Variants in CMIP observed in about 807,000 individuals in gnomAD.
CMIP encodes C-Maf-inducing protein.
CMIP carries 13 observed loss-of-function variants against 97.3 expected under a neutral mutation model. The observed-to-expected ratio is 0.13, with a 90% CI of 0.09 to 0.21. The LOEUF is 0.21. CMIP is among the 10% of genes least tolerant of loss of function. The pLI is 1.00. For synonymous variants in CMIP, 538 were observed against 436.3 expected (o/e 1.23, Z -2.91); for missense variants, 847 against 1,024.9 (o/e 0.83, Z 2.37).
At chr16:81,460,239 G>T (rs1210250903) in intron 1 of CMIP, among the ~76,000 whole-genome samples, 1 of 152,216 alleles carries the variant, frequency 6.6e-6, no homozygotes, top group African/African-American at 2.4e-5. Context: ...GGTCTGGCCA[G>T]TGGAGAGCCT....
intron 1 of CMIP, among the ~76,000 whole-genome samples, chr16:81,582,811 G>A (rs1163278083): frequency 4.6e-5 from 7 of 152,078 alleles, no homozygotes; most frequent in African/African-American, 9.7e-5. Context: ...AACGGCGAGC[G>A]GAATGCCCAA....
At chr16:81,626,581 G>A (rs979974658) in intron 3 of CMIP, among the ~76,000 whole-genome samples, 13 of 146,910 alleles carry the variant, frequency 8.8e-5, no homozygotes, top group Non-Finnish European at 1.7e-4. Context: ...GCTTATGAGT[G>A]TGTGAGTGGT....
chr16:81,560,675 T>G (rs769841850), intron 1 of CMIP, among the ~76,000 whole-genome samples: 8 of 152,240 alleles, frequency 5.3e-5, no homozygotes, highest in Non-Finnish European at 5.9e-5. Context: ...CCATTCATGG[T>G]AAATGCTCTG....
intron 13 of CMIP, 104 bp from the exon 14 acceptor site, chr16:81,696,456 T>G: frequency 8.8e-7 from 1 of 1,142,352 alleles, no homozygotes. Flanking sequence ...GTTTCTTGAC[T>G]GCAGGACTTG....
At chr16:81,666,009 C>A (rs1377185446) in intron 7 of CMIP, 1 of 152,162 alleles carries the variant, frequency 6.6e-6, no homozygotes, top group African/African-American at 2.4e-5. Flanking sequence ...AAATTCATTT[C>A]TTGTTTTCAG....
intron 10 of CMIP, among the ~76,000 whole-genome samples, chr16:81,686,969 C>G (rs1015262195): frequency 6.6e-6 from 1 of 152,080 alleles, no homozygotes; most frequent in Non-Finnish European, 1.5e-5. Flanking sequence ...CGGGGCATCT[C>G]TCTGCAGCGC....
chr16:81,595,849 G>T (rs1055159321), intron 1 of CMIP, among the ~76,000 whole-genome samples: 2 of 152,058 alleles, frequency 1.3e-5, no homozygotes, highest in African/African-American at 4.8e-5. Context: ...TTGAATACTT[G>T]TGTGCATGTT....
intron 3 of CMIP, among the ~76,000 whole-genome samples, chr16:81,623,822 G>C (rs964813639): frequency 6.6e-6 from 1 of 152,180 alleles, no homozygotes; most frequent in African/African-American, 2.4e-5. Flanking sequence ...AGATGCCAGG[G>C]CTGGCTAGGT....
intron 1 of CMIP, among the ~76,000 whole-genome samples, chr16:81,490,487 G>A (rs1021977509): frequency 2.0e-5 from 3 of 152,198 alleles, no homozygotes; most frequent in Non-Finnish European, 2.9e-5. Flanking sequence ...GAGTGTGGCG[G>A]TGTGTGCCTG....
At chr16:81,602,869 T>C (rs1297517899) in intron 1 of CMIP, among the ~76,000 whole-genome samples, 4 of 152,212 alleles carry the variant, frequency 2.6e-5, no homozygotes, top group Non-Finnish European at 5.9e-5. Context: ...CATGTTCAGC[T>C]TACCAGGGAA....
chr16:81,658,748 A>G (rs1407801640), intron 5 of CMIP, among the ~76,000 whole-genome samples: 1 of 152,242 alleles, frequency 6.6e-6, no homozygotes, highest in Non-Finnish European at 1.5e-5. Context: ...AAATAGAAGC[A>G]AGAGGCAGAG....
At chr16:81,567,619 C>T (rs191708616) in intron 1 of CMIP, among the ~76,000 whole-genome samples, 3 of 152,208 alleles carry the variant, frequency 2.0e-5, no homozygotes, top group Non-Finnish European at 4.4e-5. Context: ...CGGCCCCTTG[C>T]GTGGCTAGAA....
chr16:81,691,940 GA>G (rs1442017621), intron 11 of CMIP, 100 bp downstream of exon 11: 47 of 1,059,012 alleles, frequency 4.4e-5, no homozygotes, highest in Admixed American at 7.6e-5. Flanking sequence ...ATGGGGAAGC[GA>G]AGTCACAGCG....
chr16:81,445,544 G>T lies in CMIP; in HGVS notation c.300+3G>T. Reference sequence around the variant, plus strand: ...ACAACAGCCTGGCGTCCGCCACGGTGAGTGGCTCTGCGCGGCTGCACCCCC... The same window carrying T: ...ACAACAGCCTGGCGTCCGCCACGGTTAGTGGCTCTGCGCGGCTGCACCCCC... On this transcript the variant is annotated splice_donor_region_variant and intron_variant, in intron 1 of 20. Transcript: ENST00000537098. 1.3e-6 allele frequency: 2 copies of T among 1,544,192 alleles called. No individual in the cohort carries two copies. Among genetic ancestry groups the T allele is most frequent in the East Asian group, 2.4e-5 (1 of 40,868 alleles).
intron 1 of CMIP, among the ~76,000 whole-genome samples, chr16:81,485,351 C>T (rs1029455723): frequency 3.9e-5 from 6 of 152,172 alleles, no homozygotes; most frequent in African/African-American, 9.7e-5. Context: ...CTCACTCATC[C>T]GAGCTATTTC....
intron 2 of CMIP, among the ~76,000 whole-genome samples, chr16:81,610,770 G>A (rs2091818653): frequency 6.6e-6 from 1 of 152,152 alleles, no homozygotes; most frequent in Non-Finnish European, 1.5e-5. Context: ...CCCCTGGTGT[G>A]GTACTCAGGG....
chr16:81,600,909 A>G (rs2091646512), intron 1 of CMIP, among the ~76,000 whole-genome samples: 1 of 152,280 alleles, frequency 6.6e-6, no homozygotes, highest in South Asian at 2.1e-4. Flanking sequence ...CAGGGCTGCC[A>G]TCCAACTTCT....
chr16:81,540,684 GTT>G (rs1491463900), intron 1 of CMIP, among the ~76,000 whole-genome samples: 7 of 109,722 alleles, frequency 6.4e-5, no homozygotes, highest in Admixed American at 2.9e-4. Context: ...GTGTGTGTGT[GTT>G]TGTTTTTGTT....
chr16:81,615,121 G>C (rs955542072), intron 2 of CMIP, among the ~76,000 whole-genome samples: 1 of 149,872 alleles, frequency 6.7e-6, no homozygotes, highest in African/African-American at 2.5e-5. Flanking sequence ...TGTGTCTGTG[G>C]TGTGTGTGTA....
Sources: allele counts gnomAD v4.1 joint callset (sites outside exome capture counted in the v4.1 genomes callset), GRCh38; gene constraint gnomAD v4.1.1; transcripts MANE v1.5; gene names NCBI Gene and HGNC (gene_info 2026-07-23, HGNC 2026-07-21).